The following MYO6 variants were observed in gnomAD, a reference collection of about 807,000 sequenced individuals.
The protein encoded by MYO6 is unconventional myosin-VI.
Under a neutral mutation model 178.7 loss-of-function variants are expected in MYO6, and 74 were observed. The observed-to-expected ratio is 0.41, with a 90% CI of 0.34 to 0.50. The LOEUF is 0.50. Among genes scored for constraint, MYO6 ranks in the 20% least tolerant of loss-of-function variants. The pLI is 0.09. For missense variants in MYO6, 1,330 were observed against 1,547.4 expected (o/e 0.86, Z 2.36); for synonymous variants, 477 against 504.6 (o/e 0.95, Z 0.73).
chr6:75,848,032 C>CT (rs1271184309), intron 10 of MYO6, among the ~76,000 whole-genome samples: 1 of 151,706 alleles, frequency 6.6e-6, no homozygotes, highest in Non-Finnish European at 1.5e-5. Flanking sequence ...CAATTTTTGT[C>CT]TTTTTCTAAT....
chr6:75,789,556 C>T (rs2150080682), intron 1 of MYO6, among the ~76,000 whole-genome samples: 1 of 151,958 alleles, frequency 6.6e-6, no homozygotes, highest in African/African-American at 2.4e-5. Flanking sequence ...CCTGCCCCTC[C>T]CTCTCCACCT....
rs751099407 is a variant in MYO6 at position 75,914,918 on chromosome 6, G to A, written c.3764G>A (p.Arg1255His). 23 of 1,614,116 alleles carry A rather than the reference G, an allele frequency of 1.4e-5. No homozygotes were observed. The highest frequency in any genetic ancestry group is 8.8e-5 in the South Asian group (8 of 91,084). ...LPRQFEEIWE[R>H]CGGIQYLQNA... is the part of the protein sequence containing the mutation. ...AGACAGTTTGAAGAAATCTGGGAACGCTGTGGAGGCATCCAGTACCTTCAG... is the reference window on the plus strand; with the variant it reads ...AGACAGTTTGAAGAAATCTGGGAACACTGTGGAGGCATCCAGTACCTTCAG... The change falls in exon 35 of 35, where the codon CGC (arginine) becomes CAC (histidine). Residue 1255 changes from arginine (R) to histidine (H), a missense_variant. Physicochemically the swap from Arg to His is conservative, Grantham distance 29. This residue lies in a region of MYO6 where 601 missense variants were observed against 626.1 expected (regional missense o/e 0.96). Transcript: ENST00000369977.
At chr6:75,809,522 T>A (rs745349826) in intron 1 of MYO6, among the ~76,000 whole-genome samples, 1 of 151,692 alleles carries the variant, frequency 6.6e-6, no homozygotes, top group Non-Finnish European at 1.5e-5. Context: ...GTGTGTGAGG[T>A]GGTTGGGTTA....
chr6:75,831,942 G>A (rs1303779870), intron 5 of MYO6, among the ~76,000 whole-genome samples: 1 of 151,694 alleles, frequency 6.6e-6, no homozygotes, highest in African/African-American at 2.4e-5. Flanking sequence ...AAAGGGATGT[G>A]TGCGCTCTTG....
chr6:75,857,867 A>G (rs948847755), intron 13 of MYO6, among the ~76,000 whole-genome samples: 6 of 152,208 alleles, frequency 3.9e-5, no homozygotes, highest in African/African-American at 1.2e-4. Flanking sequence ...CTTGAAATGT[A>G]AATCTAATGG....
rs1281984063 is a variant in MYO6, at chr6:75,828,520, A to C, written c.188-20A>C. The C allele has an allele frequency of 8.1e-6, 11 of 1,358,586 alleles. No homozygotes were observed. The allele number at this position is 1,358,586 out of a possible 1,614,324, so 84.2% of individuals were successfully genotyped here. ...TTGTTTTCTTCAATTCTCTAATGAC[A>C]TATAAATTTTATGTCTTAGGTTCAC... is the stretch of plus-strand genomic sequence containing the variant. On this transcript the variant is annotated intron_variant, in intron 3 of 34. Coordinates refer to ENST00000369977, the MANE Select transcript of MYO6 (RefSeq NM_004999.4).
chr6:75,770,853 C>G (rs1583022056), intron 1 of MYO6, among the ~76,000 whole-genome samples: 1 of 152,258 alleles, frequency 6.6e-6, no homozygotes, highest in African/African-American at 2.4e-5. Flanking sequence ...ACTGATTTAT[C>G]TTTCCTGATT....
At chr6:75,910,847 C>G (rs1276170131) in intron 32 of MYO6, among the ~76,000 whole-genome samples, 1 of 152,006 alleles carries the variant, frequency 6.6e-6, no homozygotes, top group African/African-American at 2.4e-5. Flanking sequence ...GCTAAACACC[C>G]TTTAAAAGGA....
At chr6:75,909,064 TA>T (rs1780565058) in intron 32 of MYO6, among the ~76,000 whole-genome samples, 1 of 152,178 alleles carries the variant, frequency 6.6e-6, no homozygotes, top group African/African-American at 2.4e-5. Flanking sequence ...TTTTATTTTT[TA>T]AATAAATAGA....
intron 1 of MYO6, among the ~76,000 whole-genome samples, chr6:75,752,555 G>A (rs1278886933): frequency 6.6e-6 from 1 of 152,168 alleles, no homozygotes; most frequent in Non-Finnish European, 1.5e-5. Context: ...TTTTCCACCA[G>A]AACAGTTTGC....
intron 33 of MYO6, 39 bp from the exon 34 acceptor site, chr6:75,914,024 T>C (rs1009722285): frequency 6.3e-7 from 1 of 1,598,790 alleles, no homozygotes. Flanking sequence ...TTCTTTTCCC[T>C]TGAGCTGCTG....
chr6:75,864,177 G>A (rs1189068513), intron 16 of MYO6, among the ~76,000 whole-genome samples: 2 of 152,144 alleles, frequency 1.3e-5, no homozygotes, highest in African/African-American at 4.8e-5. Context: ...CAAACAAACT[G>A]TATATTATTT....
At chr6:75,749,982 G>A (rs982277241) in intron 1 of MYO6, among the ~76,000 whole-genome samples, 3 of 151,972 alleles carry the variant, frequency 2.0e-5, no homozygotes, top group Admixed American at 6.6e-5. Context: ...TCCCTAAAAC[G>A]ATTAAAATGC....
At chr6:75,816,002 A>G (rs1270124657) in intron 1 of MYO6, among the ~76,000 whole-genome samples, 5 of 152,188 alleles carry the variant, frequency 3.3e-5, no homozygotes, top group Admixed American at 3.3e-4. Context: ...TGTTTTGGCT[A>G]CTCTTTAGAG....
intron 1 of MYO6, among the ~76,000 whole-genome samples, chr6:75,797,076 G>GTATT (rs911878575): frequency 1.4e-4 from 21 of 152,066 alleles, no homozygotes; most frequent in African/African-American, 4.8e-4. Context: ...TTCTGTGTGT[G>GTATT]TATTTATTTA....
Position 75,795,783 on chromosome 6 carries a change from G to T in MYO6, c.-47-21718G>T, listed in dbSNP as rs534183212. ...TGTATTTCTTTAATTTTACTAATCCGGCACATTTGTGCAAAATGTTAAATT... is the reference window on the plus strand; with the variant it reads ...TGTATTTCTTTAATTTTACTAATCCTGCACATTTGTGCAAAATGTTAAATT... On this transcript the variant is annotated intron_variant, in intron 1 of 34. Transcript: ENST00000369977. Among the ~76,000 whole-genome samples, 4 of 152,042 alleles carry T rather than the reference G, an allele frequency of 2.6e-5. No homozygotes were observed. The South Asian group carries it at 8.3e-4, about 32-fold the overall frequency.
intron 10 of MYO6, among the ~76,000 whole-genome samples, chr6:75,848,024 A>G (rs911563333): frequency 1.3e-5 from 2 of 152,022 alleles, no homozygotes; most frequent in Non-Finnish European, 2.9e-5. Context: ...TTTTCACTCA[A>G]TTTTTGTCTT....
rs1347579845 is a variant in MYO6, at chr6:75,889,096, C to T, written c.2659-961C>T. On this transcript the variant is annotated intron_variant, in intron 25 of 34. Coordinates refer to ENST00000369977, the MANE Select transcript of MYO6 (RefSeq NM_004999.4). The stretch of plus-strand genomic sequence containing the variant: ...GATATAATGAATATCTTAAAGTGAG[C>T]GTTTTATATTTTCTGCAGATATTTT... Among the ~76,000 whole-genome samples the T allele has an allele frequency of 3.3e-5, 5 of 151,708 alleles. No individual in the cohort carries two copies. In the East Asian group the frequency reaches 7.7e-4, roughly 23 times the overall value.
intron 1 of MYO6, among the ~76,000 whole-genome samples, chr6:75,799,694 T>C (rs912244434): frequency 2.6e-5 from 4 of 152,068 alleles, no homozygotes; most frequent in Non-Finnish European, 5.9e-5. Context: ...AGGAATGAAA[T>C]GAAACAAGAT....
Sources: allele counts gnomAD v4.1 joint callset (sites outside exome capture counted in the v4.1 genomes callset), GRCh38; gene constraint gnomAD v4.1.1; regional missense constraint gnomAD v4.1.1; transcripts MANE v1.5; gene names NCBI Gene and HGNC (gene_info 2026-07-23, HGNC 2026-07-21).